The following STAB1 variants were observed in gnomAD, a reference collection of about 807,000 sequenced individuals.
STAB1 encodes stabilin-1.
Under a neutral mutation model 332.4 loss-of-function variants are expected in STAB1, and 250 were observed. That is an observed-to-expected ratio of 0.75 (90% CI 0.68 to 0.84). The LOEUF is 0.84. STAB1 is among the 40% of genes least tolerant of loss of function. The pLI is 0.00. For missense variants in STAB1, 3,249 were observed against 3,489.7 expected (o/e 0.93, Z 1.74); for synonymous variants, 1,475 against 1,390.4 (o/e 1.06, Z -1.35).
In STAB1 at chr3:52,495,426, CG is replaced by C; in HGVS notation, c.17del (p.Gly6AlafsTer29). ...GTGCCCACCAGCCATGGCGGGGCCC[CG>C]GGGCCTCCTCCCACTCTGCCTCCTG... MAGPRGLLPLCLLAF... is the reference protein window; with the variant it reads MAGPXGLLPLCLLAF... On this transcript the variant is annotated frameshift_variant, in exon 1 of 69. Coordinates refer to ENST00000321725, the MANE Select transcript of STAB1 (RefSeq NM_015136.3). LOFTEE classifies it high-confidence loss of function. 3.7e-6 allele frequency: 5 copies of C among 1,341,386 alleles called. No individual in the cohort carries two copies. The highest frequency in any genetic ancestry group is 3.8e-6 in the Non-Finnish European group (4 of 1,039,522). 83.1% of individuals were successfully genotyped at this position (1,341,386 alleles called of 1,614,324 possible).
chr3:52,517,778 C>G, intron 44 of STAB1, 103 bp from the exon 45 acceptor site: 1 of 1,587,064 alleles, frequency 6.3e-7, no homozygotes, highest in South Asian at 1.1e-5. Flanking sequence ...CAAATAGGAT[C>G]TGGGGGGCTG....
At chr3:52,520,742 G>C in intron 54 of STAB1, 44 bp downstream of exon 54, 1 of 1,612,572 alleles carries the variant, frequency 6.2e-7, no homozygotes. Flanking sequence ...GTGGGGGCAG[G>C]CAGAGCCCAA....
chr3:52,520,740 A>T, intron 54 of STAB1, 42 bp downstream of exon 54: 1 of 1,612,516 alleles, frequency 6.2e-7, no homozygotes. Flanking sequence ...GGGTGGGGGC[A>T]GGCAGAGCCC....
chr3:52,505,403 T>A, intron 14 of STAB1, 22 bp downstream of exon 14: 1 of 1,609,742 alleles, frequency 6.2e-7, no homozygotes, highest in Non-Finnish European at 8.5e-7. Flanking sequence ...GGAGGGGTCC[T>A]AGCCCATGTG....
chr3:52,505,263 G>C (rs1294417041), intron 13 of STAB1, 56 bp from the exon 14 acceptor site: 2 of 1,610,250 alleles, frequency 1.2e-6, no homozygotes, highest in Admixed American at 3.3e-5. Context: ...TCTCCCCGCT[G>C]GGCTGAAGCA....
chr3:52,518,183 C>A, intron 45 of STAB1, 129 bp from the exon 46 acceptor site: 2 of 1,516,170 alleles, frequency 1.3e-6, no homozygotes, highest in Non-Finnish European at 1.8e-6. Flanking sequence ...GCCCTGACCC[C>A]AACTCAGACC....
In STAB1 at chr3:52,517,344, A is replaced by G. The variant is rs558452134; in HGVS notation, c.4514A>G (p.His1505Arg). ...CQEINSCLIH[H>R]GGCHIHAECI... is the part of the protein sequence containing the mutation. ...GAAATTAACAGCTGTCTCATCCACC[A>G]CGGGGGCTGCCACATTCACGCCGAG... Residue 1505 changes from histidine to arginine, a missense_variant, in exon 43 of 69, where the codon CAC becomes CGC. Coordinates refer to ENST00000321725, the MANE Select transcript of STAB1 (RefSeq NM_015136.3). 8.0e-5 allele frequency: 128 copies of G among 1,600,900 alleles called. 1 individual carries two copies. Among genetic ancestry groups the G allele is most frequent in the South Asian group, 2.7e-4 (24 of 88,970 alleles).
chr3:52,497,536 C>T (rs911307632), intron 1 of STAB1, among the ~76,000 whole-genome samples: 1 of 151,692 alleles, frequency 6.6e-6, no homozygotes, highest in Non-Finnish European at 1.5e-5. Flanking sequence ...ACTCAGCCTC[C>T]CAAGTAGCTG....
chr3:52,514,300 T>C (rs748678339), intron 33 of STAB1, 65 bp from the exon 34 acceptor site: 56 of 1,585,558 alleles, frequency 3.5e-5, no homozygotes, highest in Non-Finnish European at 4.6e-5. Context: ...ACACAGTGGG[T>C]GTGGCGTGCT....
At chr3:52,518,900 A>G (rs199951997) in intron 48 of STAB1, 31 bp downstream of exon 48, 149,394 of 975,156 alleles carry the variant, frequency 0.15, 8,400 homozygotes, top group Non-Finnish European at 0.18. Flanking sequence ...GCCCCGCTCC[A>G]TCCCGCCCCG....
In STAB1 at chr3:52,522,241, G is replaced by C. The variant is rs778107472; in HGVS notation, c.6465+11G>C. ...TTGAGCACCGGCCTGGTGAGCAGGTGGGGGAACCGAGTAGCCAGGGTGGGG... is the reference window on the plus strand; with the variant it reads ...TTGAGCACCGGCCTGGTGAGCAGGTCGGGGAACCGAGTAGCCAGGGTGGGG... On this transcript the variant is annotated intron_variant, in intron 59 of 68. Coordinates refer to ENST00000321725, the MANE Select transcript of STAB1 (RefSeq NM_015136.3). 2 of 1,612,138 alleles carry C rather than the reference G, an allele frequency of 1.2e-6. No individual in the cohort carries two copies. The highest frequency in any genetic ancestry group is 1.1e-5 in the South Asian group (1 of 91,042).
At chr3:52,516,661 T>C in intron 40 of STAB1, 31 bp from the exon 41 acceptor site, 6 of 1,612,320 alleles carry the variant, frequency 3.7e-6, no homozygotes, top group Non-Finnish European at 5.1e-6. Flanking sequence ...TGGACAGGCA[T>C]GGGCTAAGCT....
intron 26 of STAB1, 109 bp from the exon 27 acceptor site, chr3:52,512,232 A>AAGGGGC (rs1218649749): frequency 6.9e-5 from 72 of 1,037,146 alleles, no homozygotes; most frequent in Admixed American, 1.1e-4. Context: ...GCTGCAGAGC[A>AAGGGGC]AGGGGCAGGG....
intron 1 of STAB1, 115 bp from the exon 2 acceptor site, chr3:52,501,051 C>G: frequency 6.9e-7 from 1 of 1,440,548 alleles, no homozygotes; most frequent in Non-Finnish European, 9.5e-7. Flanking sequence ...TACTCTGACC[C>G]CTGAGCAGAT....
chr3:52,505,863 C>A lies in STAB1; in HGVS notation c.1696-20C>A. 1 of 1,613,194 alleles carries A rather than the reference C, an allele frequency of 6.2e-7. No individual in the cohort carries two copies. Among genetic ancestry groups the A allele is most frequent in the South Asian group, 1.1e-5 (1 of 91,050 alleles). ...CCCCACAGTTCCTCCAGGAGCCAAACCCTCTCTCTCCCCTGCCAGGGTCTC... is the reference window on the plus strand; with the variant it reads ...CCCCACAGTTCCTCCAGGAGCCAAAACCTCTCTCTCCCCTGCCAGGGTCTC... On this transcript the variant is annotated intron_variant, in intron 15 of 68. Coordinates refer to ENST00000321725, the MANE Select transcript of STAB1 (RefSeq NM_015136.3).
intron 48 of STAB1, 87 bp downstream of exon 48, chr3:52,518,956 T>C: frequency 8.2e-7 from 1 of 1,213,278 alleles, no homozygotes; most frequent in South Asian, 1.5e-5. Flanking sequence ...GCCCACGCAG[T>C]CAAGAACCCC....
At chr3:52,519,827 C>A in intron 50 of STAB1, 117 bp from the exon 51 acceptor site, 1 of 1,339,868 alleles carries the variant, frequency 7.5e-7, no homozygotes, top group Non-Finnish European at 1.0e-6. Flanking sequence ...CTGGGATGGT[C>A]ACAGATGAGT....
At chr3:52,520,571 C>T (rs370273219) in intron 53 of STAB1, 22 bp downstream of exon 53, 15 of 1,610,278 alleles carry the variant, frequency 9.3e-6, no homozygotes, top group Middle Eastern at 1.6e-4. Flanking sequence ...CAGAGGCAGA[C>T]GGGCAGAAGC....
At chr3:52,504,942 G>A (rs535267919) in intron 12 of STAB1, 61 bp from the exon 13 acceptor site, 1 of 1,612,732 alleles carries the variant, frequency 6.2e-7, no homozygotes. Context: ...GCAGGTGGGA[G>A]GGAGCCTCCG....
Sources: allele counts gnomAD v4.1 joint callset (sites outside exome capture counted in the v4.1 genomes callset), GRCh38; gene constraint gnomAD v4.1.1; transcripts MANE v1.5; gene names NCBI Gene and HGNC (gene_info 2026-07-23, HGNC 2026-07-21).